The following NOTCH3 variants were observed in gnomAD, a reference collection of about 807,000 sequenced individuals.
NOTCH3 encodes the protein notch receptor 3, also known as neurogenic locus notch homolog protein 3.
NOTCH3 carries 86 observed loss-of-function variants against 213.3 expected under a neutral mutation model. The ratio of observed to expected loss-of-function variants is 0.40; its 90% CI spans 0.34 to 0.48. The LOEUF (loss-of-function observed/expected upper bound fraction) is 0.48, where lower values mean the gene tolerates loss of function less well. Among genes scored for constraint, NOTCH3 ranks in the 20% least tolerant of loss-of-function variants. The pLI is 0.57. For synonymous variants in NOTCH3, 1,354 were observed against 1,355.9 expected (o/e 1.00, Z 0.03); for missense variants, 2,783 against 3,272.6 (o/e 0.85, Z 3.65).
Position 15,197,544 on chromosome 19 carries a change from A to C in NOTCH3, c.153T>G (p.Asn51Lys), listed in dbSNP as rs758951375. The C allele has an allele frequency of 2.5e-6, 4 of 1,586,792 alleles. No homozygotes were observed. The highest frequency in any genetic ancestry group is 2.8e-5 in the African/African-American group (2 of 72,402). Residue 51 changes from asparagine to lysine, a missense_variant, in exon 2 of 33, where the codon AAT (asparagine) becomes AAG (lysine). By Grantham distance (94) the Asn-to-Lys change is moderately conservative. This residue lies in a region of NOTCH3 where 708 missense variants were observed against 906.6 expected (regional missense o/e 0.78). Transcript: ENST00000263388. The stretch of plus-strand genomic sequence containing the variant: ...AGGGCAGCTGGGTGCAACGACCTCC[A>C]TTTGCACACGGGCTTCCGTCCAGGC... ...PPCLDGSPCA[N>K]GGRCTQLPSR...
chr19:15,166,684 C>CA (rs2046688733), intron 29 of NOTCH3, among the ~76,000 whole-genome samples: 1 of 152,168 alleles, frequency 6.6e-6, no homozygotes, highest in East Asian at 1.9e-4. Context: ...GAGGATCAAA[C>CA]AACATAGTCC....
At chr19:15,181,277 G>T (rs7257550) in intron 17 of NOTCH3, 115 bp from the exon 18 acceptor site, 5 of 950,148 alleles carry the variant, frequency 5.3e-6, no homozygotes, top group African/African-American at 4.9e-5. Context: ...CCCTTATCTC[G>T]GCAAGAAGCT....
chr19:15,171,308 C>T (rs535872689), intron 25 of NOTCH3, among the ~76,000 whole-genome samples: 5 of 152,098 alleles, frequency 3.3e-5, no homozygotes, highest in African/African-American at 1.2e-4. Flanking sequence ...GGATTACAGG[C>T]GTGAGCCGCC....
Position 15,165,988 on chromosome 19 carries a change from G to A in NOTCH3, c.5466C>T (p.Ser1822=), listed in dbSNP as rs148053028. The change falls in exon 30 of 33, where the codon TCC becomes TCT. Residue 1822 remains serine, a synonymous_variant. Coordinates refer to ENST00000263388, the MANE Select transcript of NOTCH3 (RefSeq NM_000435.3). The surrounding 1 kb of genome is among the most constrained non-coding windows in gnomAD (Gnocchi z 4.7). ...GCTGAGCCCCCTGGCAGATCAGGTC[G>A]GAGATGATGCTAGCTGATGTGTCAT... ...EADDTSASII[S]DLICQGAQLG... is the part of the protein sequence containing the mutation. The A allele has an allele frequency of 1.6e-4, 256 of 1,614,180 alleles. No individual in the cohort carries two copies. The highest frequency in any genetic ancestry group is 6.6e-4 in the Middle Eastern group (4 of 6,062).
chr19:15,174,447 G>T (rs191452268), intron 24 of NOTCH3, 47 bp from the exon 25 acceptor site: 11 of 1,402,756 alleles, frequency 7.8e-6, no homozygotes, highest in Non-Finnish European at 9.6e-6. Flanking sequence ...AGGGGTCAGA[G>T]GAGACAATCC....
In NOTCH3 at chr19:15,189,114, T is replaced by C; in HGVS notation, c.1253A>G (p.Gln418Arg). 3 of 1,613,336 alleles carry C rather than the reference T, an allele frequency of 1.9e-6. No homozygotes were observed. Among genetic ancestry groups the C allele is most frequent in the Non-Finnish European group, 2.5e-6 (3 of 1,180,022 alleles). ...CVNTQGSFLC[Q>R]CGRGYTGPRC... ...AGGTCCAGTGTAGCCACGACCGCAC[T>C]GGCACAGGAAGGAGCCCTGCGTGTT... The change falls in exon 8 of 33, where the codon CAG becomes CGG. Residue 418 changes from glutamine (Q) to arginine (R), a missense_variant. Around this residue, in one of 6 missense-constraint regions of NOTCH3, gnomAD observed 708 missense variants for 906.6 expected, o/e 0.78. Transcript: ENST00000263388.
chr19:15,197,490 A>T lies in NOTCH3; in HGVS notation c.197+10T>A. The T allele has an allele frequency of 7.6e-7, 1 of 1,308,994 alleles. No homozygotes were observed. Among genetic ancestry groups the T allele is most frequent in the Non-Finnish European group, 1.0e-6 (1 of 982,966 alleles). The allele number at this position is 1,308,994 out of a possible 1,614,324, so 81.1% of individuals were successfully genotyped here. ...CAGGGCCCACTGGTGGCTCTGAGCC[A>T]GGCACTCACAGGCAGGCAGCCTCCC... On this transcript the variant is annotated intron_variant, in intron 2 of 32. Coordinates refer to ENST00000263388, the MANE Select transcript of NOTCH3 (RefSeq NM_000435.3).
intron 16 of NOTCH3, among the ~76,000 whole-genome samples, chr19:15,182,763 C>T (rs1599384484): frequency 6.6e-6 from 1 of 152,158 alleles, no homozygotes; most frequent in African/African-American, 2.4e-5. Context: ...CTACCTCAGC[C>T]TCCTGAGTAG....
chr19:15,197,492 G>A lies in NOTCH3; in HGVS notation c.197+8C>T, dbSNP rs1216276758. On this transcript the variant is annotated splice_region_variant and intron_variant, in intron 2 of 32. Coordinates refer to ENST00000263388, the MANE Select transcript of NOTCH3 (RefSeq NM_000435.3). ...GGGCCCACTGGTGGCTCTGAGCCAG[G>A]CACTCACAGGCAGGCAGCCTCCCGG... is the stretch of plus-strand genomic sequence containing the variant. 4.5e-6 allele frequency: 7 copies of A among 1,571,542 alleles called. No individual in the cohort carries two copies. Among genetic ancestry groups the A allele is most frequent in the Non-Finnish European group, 5.2e-6 (6 of 1,155,174 alleles).
chr19:15,195,588 C>T (rs1269707846), intron 2 of NOTCH3, among the ~76,000 whole-genome samples: 20 of 152,068 alleles, frequency 1.3e-4, no homozygotes, highest in Admixed American at 1.3e-3. Flanking sequence ...CCCCCCCACC[C>T]CGGCCCCCAG....
chr19:15,181,282 G>C (rs1243824027), intron 17 of NOTCH3, 120 bp from the exon 18 acceptor site: 15 of 919,318 alleles, frequency 1.6e-5, no homozygotes, highest in Non-Finnish European at 2.1e-5. Flanking sequence ...ATCTCGGCAA[G>C]AAGCTGCAGC....
chr19:15,188,383 C>T, intron 8 of NOTCH3, 35 bp from the exon 9 acceptor site: 6 of 1,390,826 alleles, frequency 4.3e-6, no homozygotes, highest in Admixed American at 3.7e-5. Flanking sequence ...AAAGCGGGGG[C>T]TACCCTATGG....
chr19:15,162,905 T>C (rs2046658099), intron 31 of NOTCH3, among the ~76,000 whole-genome samples: 1 of 152,088 alleles, frequency 6.6e-6, no homozygotes, highest in Non-Finnish European at 1.5e-5. Context: ...TTTTTATTTA[T>C]CCATTTATTT....
intron 2 of NOTCH3, among the ~76,000 whole-genome samples, chr19:15,192,958 A>G (rs2046942051): frequency 6.6e-6 from 1 of 152,136 alleles, no homozygotes; most frequent in Non-Finnish European, 1.5e-5. Context: ...TCATGCAACG[A>G]ATATTTACTG....
chr19:15,194,397 T>C (rs896448203), intron 2 of NOTCH3, among the ~76,000 whole-genome samples: 1 of 152,182 alleles, frequency 6.6e-6, no homozygotes, highest in South Asian at 2.1e-4. Context: ...TGGGTCCCCA[T>C]GGAGAGGCTC....
chr19:15,160,779 G>A lies in NOTCH3; in HGVS notation c.6849C>T (p.Thr2283=), dbSNP rs770560261. 7 of 1,613,862 alleles carry A rather than the reference G, an allele frequency of 4.3e-6. No homozygotes were observed. Among genetic ancestry groups the A allele is most frequent in the Non-Finnish European group, 5.9e-6 (7 of 1,179,750 alleles). ...PATATGAMAT[T]TGALPAQPLP... is the part of the protein sequence containing the mutation. ...GTGGCTGGGCAGGCAGTGCCCCAGT[G>A]GTGGTGGCCATGGCCCCAGTGGCAG... The change falls in exon 33 of 33, where the codon ACC becomes ACT. Residue 2283 remains threonine (T), a synonymous_variant. Coordinates refer to ENST00000263388, the MANE Select transcript of NOTCH3 (RefSeq NM_000435.3).
At chr19:15,178,478 G>C (rs981795187) in intron 23 of NOTCH3, 2 of 443,180 alleles carry the variant, frequency 4.5e-6, no homozygotes, top group African/African-American at 4.0e-5. Context: ...TCCGCCTCCC[G>C]GGTTCAAGTG....
chr19:15,170,947 C>T (rs757509938), intron 25 of NOTCH3, 122 bp from the exon 26 acceptor site: 8 of 1,046,988 alleles, frequency 7.6e-6, no homozygotes, highest in Non-Finnish European at 1.1e-5. Flanking sequence ...CCACAGGTCT[C>T]CATGGCCCAC....
At chr19:15,162,364 T>G in intron 32 of NOTCH3, 101 bp downstream of exon 32, 2 of 864,260 alleles carry the variant, frequency 2.3e-6, no homozygotes, top group Non-Finnish European at 3.8e-6. Flanking sequence ...GGGGTTTTAT[T>G]TTGTTTTGTT....
Sources: gnomAD v4.1 joint callset for allele counts (sites outside exome capture counted in the v4.1 genomes callset) on GRCh38, gnomAD v4.1.1 for gene constraint, gnomAD v4.1.1 regional missense constraint, Gnocchi (gnomAD v3.1) non-coding constraint, MANE v1.5 for transcripts, NCBI Gene and HGNC (gene_info 2026-07-23, HGNC 2026-07-21) for gene names.